PCDHGB2: variants seen among roughly 807,000 people sequenced by gnomAD.
PCDHGB2 encodes the protein protocadherin gamma subfamily B, 2, also known as protocadherin gamma-B2.
Under a neutral mutation model 59.3 loss-of-function variants are expected in PCDHGB2, and 55 were observed. The ratio of observed to expected loss-of-function variants is 0.93; its 90% CI spans 0.75 to 1.16. The LOEUF is 1.16. Ranked by LOEUF, PCDHGB2 falls within the 50% of genes most tolerant of loss-of-function variation. The pLI is 0.00. For synonymous variants in PCDHGB2, 516 were observed against 512.0 expected (o/e 1.01, Z -0.11); for missense variants, 1,228 against 1,198.5 (o/e 1.02, Z -0.36).
rs775918752 is a variant in PCDHGB2 at position 141,375,143 on chromosome 5, A to G, written c.2421+12587A>G. On this transcript the variant is annotated intron_variant, in intron 1 of 3. Transcript: ENST00000522605. Reference sequence around the variant, plus strand: ...AGAAGTGGTTGTTACATCTGGAAGCAGAACAATTGCTGAAAGTGCACCTCC... The same window carrying G: ...AGAAGTGGTTGTTACATCTGGAAGCGGAACAATTGCTGAAAGTGCACCTCC... 20 of 1,613,992 alleles carry G rather than the reference A, an allele frequency of 1.2e-5. No homozygotes were observed. The Admixed American group carries it at 2.8e-4, about 23-fold the overall frequency.
At chr5:141,423,160 G>A (rs1272708122) in intron 1 of PCDHGB2, 16 of 1,613,046 alleles carry the variant, frequency 9.9e-6, no homozygotes, top group Non-Finnish European at 1.2e-5. Flanking sequence ...GAGCCTCGTG[G>A]TGGCCGTCCA....
chr5:141,380,638 T>G (rs1776626783), intron 1 of PCDHGB2, among the ~76,000 whole-genome samples: 1 of 152,254 alleles, frequency 6.6e-6, no homozygotes, highest in Non-Finnish European at 1.5e-5. Context: ...AAAATGTGAA[T>G]GCTAGAGACA....
chr5:141,487,591 C>T lies in PCDHGB2; in HGVS notation c.2422-7216C>T. 8 of 1,614,176 alleles carry T rather than the reference C, an allele frequency of 5.0e-6. No homozygotes were observed. The highest frequency in any genetic ancestry group is 6.8e-6 in the Non-Finnish European group (8 of 1,180,036). On this transcript the variant is annotated intron_variant, in intron 1 of 3. Coordinates refer to ENST00000522605, the MANE Select transcript of PCDHGB2 (RefSeq NM_018923.3). The surrounding 1 kb of genome is among the most constrained non-coding windows in gnomAD (Gnocchi z 5.0). ...AGCCTGTTCGCCCAAGCTGCCCACC[C>T]TCTGATCTTCTCTATGGGCTAGAGG...
chr5:141,499,233 C>A (rs1047984757), intron 2 of PCDHGB2, among the ~76,000 whole-genome samples: 2 of 152,116 alleles, frequency 1.3e-5, no homozygotes, highest in Non-Finnish European at 2.9e-5. Context: ...CAGCTGTCCC[C>A]AGCCTCTGCA....
At position 141,361,829 on chromosome 5, in the gene PCDHGB2, C is replaced by T. The variant is rs1404954356; in HGVS notation, c.1694C>T (p.Pro565Leu). The T allele has an allele frequency of 4.3e-6, 7 of 1,612,986 alleles. No homozygotes were observed. The highest frequency in any genetic ancestry group is 5.9e-6 in the Non-Finnish European group (7 of 1,179,736). ...GACAATGCGCCACGGGTGCTGTACC[C>T]CGCGCTGGGGCCTGATGGCTCCGCC... is the stretch of plus-strand genomic sequence containing the variant. ...LNDNAPRVLYPALGPDGSALF... is the reference protein window; with the variant it reads ...LNDNAPRVLYLALGPDGSALF... The change falls in exon 1 of 4, where the codon CCC (proline) becomes CTC (leucine). Residue 565 changes from proline (P) to leucine (L), a missense_variant. By Grantham distance (98) the Pro-to-Leu change is moderately conservative. Coordinates refer to ENST00000522605, the MANE Select transcript of PCDHGB2 (RefSeq NM_018923.3).
chr5:141,384,464 A>G, intron 1 of PCDHGB2: 2 of 1,614,112 alleles, frequency 1.2e-6, no homozygotes, highest in Non-Finnish European at 1.7e-6. Context: ...TCCTTTGATT[A>G]TGAGCAGTTG....
rs771088007 is a variant in PCDHGB2, at chr5:141,423,000, G to A, written c.2421+60444G>A. On this transcript the variant is annotated intron_variant, in intron 1 of 3. Transcript: ENST00000522605. ...CGGAACCTGGCTACCTGGTGACCAA[G>A]GTGGTTGCGGTGGACAAAGATTCAG... The A allele has an allele frequency of 9.3e-6, 15 of 1,614,116 alleles. No homozygotes were observed. The African/African-American group carries it at 1.9e-4, about 20-fold the overall frequency.
intron 1 of PCDHGB2, chr5:141,365,046 C>A (rs753242901): frequency 6.2e-7 from 1 of 1,613,884 alleles, no homozygotes; most frequent in Admixed American, 1.7e-5. Context: ...AACGACAATG[C>A]GCCCCTGTTC....
intron 1 of PCDHGB2, chr5:141,375,397 C>T: frequency 6.2e-7 from 1 of 1,614,010 alleles, no homozygotes; most frequent in Non-Finnish European, 8.5e-7. Flanking sequence ...AAACAATCAT[C>T]TCTCTAAATG....
At chr5:141,371,345 T>TG (rs1178665977) in intron 1 of PCDHGB2, 1 of 1,613,878 alleles carries the variant, frequency 6.2e-7, no homozygotes, top group Non-Finnish European at 8.5e-7. Context: ...GCTACACAAT[T>TG]GGGGTGGAAG....
At chr5:141,372,507 C>T (rs1393188281) in intron 1 of PCDHGB2, 2 of 1,614,044 alleles carry the variant, frequency 1.2e-6, no homozygotes, top group Admixed American at 3.3e-5. Context: ...GCTCTTCCTC[C>T]TCGCGGTGAT....
At position 141,389,081 on chromosome 5, in the gene PCDHGB2, G is replaced by A. The variant is rs371979686; in HGVS notation, c.2421+26525G>A. On this transcript the variant is annotated intron_variant, in intron 1 of 3. Transcript: ENST00000522605. Reference sequence around the variant, plus strand: ...AAATATTAACTTCTTCAAGAAACACGTATAAATTAGTGACAGATGCTGTTC... The same window carrying A: ...AAATATTAACTTCTTCAAGAAACACATATAAATTAGTGACAGATGCTGTTC... 1.5e-5 allele frequency: 24 copies of A among 1,613,978 alleles called. No homozygotes were observed. In the South Asian group the frequency reaches 2.0e-4, roughly 13 times the overall value.
At chr5:141,479,273 T>G (rs1723290487) in intron 1 of PCDHGB2, 1 of 152,386 alleles carries the variant, frequency 6.6e-6, no homozygotes, top group South Asian at 2.1e-4. Context: ...AGTAATAATT[T>G]ATTTCAAAAA....
chr5:141,399,349 C>A (rs1467940246), intron 1 of PCDHGB2: 15 of 1,613,814 alleles, frequency 9.3e-6, no homozygotes, highest in African/African-American at 1.3e-5. Flanking sequence ...AACCCTAGAC[C>A]GAGAGCAAAC....
At chr5:141,389,745 A>G in intron 1 of PCDHGB2, 1 of 1,612,748 alleles carries the variant, frequency 6.2e-7, no homozygotes, top group Non-Finnish European at 8.5e-7. Context: ...GGGGCTGCGC[A>G]CGGGCGAAGT....
At chr5:141,467,514 T>C (rs2154569535) in intron 1 of PCDHGB2, among the ~76,000 whole-genome samples, 1 of 152,362 alleles carries the variant, frequency 6.6e-6, no homozygotes, top group South Asian at 2.1e-4. Flanking sequence ...TTGGAGTTTA[T>C]TCTTTTGTGT....
At chr5:141,423,990 T>A (rs2096793990) in intron 1 of PCDHGB2, 2 of 1,090,000 alleles carry the variant, frequency 1.8e-6, no homozygotes, top group East Asian at 1.1e-4. Flanking sequence ...GCTCTCAATT[T>A]ATTATATATA....
intron 1 of PCDHGB2, among the ~76,000 whole-genome samples, chr5:141,450,022 T>TTTTC: frequency 6.7e-6 from 1 of 149,424 alleles, no homozygotes; most frequent in Admixed American, 6.7e-5. Context: ...TTTTTTTTTT[T>TTTTC]TTGAGACAGG....
intron 1 of PCDHGB2, among the ~76,000 whole-genome samples, chr5:141,462,783 T>A (rs1313584666): frequency 6.6e-6 from 1 of 152,236 alleles, no homozygotes; most frequent in Non-Finnish European, 1.5e-5. Flanking sequence ...CATAATTTGT[T>A]GCTTATTTGC....
Sources: allele counts gnomAD v4.1 joint callset (sites outside exome capture counted in the v4.1 genomes callset), GRCh38; gene constraint gnomAD v4.1.1; non-coding constraint Gnocchi (gnomAD v3.1); transcripts MANE v1.5; gene names NCBI Gene and HGNC (gene_info 2026-07-23, HGNC 2026-07-21).